ARHGAP42: variants seen among roughly 807,000 people sequenced by gnomAD.
ARHGAP42 encodes Rho GTPase activating protein 42.
Under a neutral mutation model 125.0 loss-of-function variants are expected in ARHGAP42, and 63 were observed. The ratio of observed to expected loss-of-function variants is 0.50; its 90% CI spans 0.41 to 0.62. The LOEUF (loss-of-function observed/expected upper bound fraction) is 0.62, where lower values mean the gene tolerates loss of function less well. Among genes scored for constraint, ARHGAP42 ranks in the 20% least tolerant of loss-of-function variants. ARHGAP42 has a pLI of 0.00. For missense variants in ARHGAP42, 766 were observed against 1,024.2 expected, an observed-to-expected ratio of 0.75 and a Z score of 3.44; for synonymous variants, 339 against 351.0, an observed-to-expected ratio of 0.97 and a Z score of 0.38.
intron 4 of ARHGAP42, among the ~76,000 whole-genome samples, chr11:100,907,920 AG>A (rs1360432851): frequency 1.3e-5 from 2 of 152,218 alleles, no homozygotes; most frequent in Non-Finnish European, 2.9e-5. Context: ...CTTAAGTTGA[AG>A]GATTTCTCAA....
chr11:100,926,280 T>A (rs977397999), intron 6 of ARHGAP42, among the ~76,000 whole-genome samples: 3 of 152,212 alleles, frequency 2.0e-5, no homozygotes, highest in African/African-American at 7.2e-5. Context: ...AGTTGTTAGA[T>A]GAAGAAGCTA....
At chr11:100,954,259 A>G (rs1857743524) in intron 12 of ARHGAP42, among the ~76,000 whole-genome samples, 1 of 152,168 alleles carries the variant, frequency 6.6e-6, no homozygotes, top group African/African-American at 2.4e-5. Context: ...TCTCTCATGC[A>G]GTCAGTTCAA....
At chr11:100,986,463 C>A in intron 22 of ARHGAP42, 1 of 192,332 alleles carries the variant, frequency 5.2e-6, no homozygotes, top group Non-Finnish European at 1.1e-5. Context: ...CACCCGGCAC[C>A]TGACTGCATA....
chr11:100,719,665 T>C (rs188876414), intron 1 of ARHGAP42, among the ~76,000 whole-genome samples: 3 of 151,504 alleles, frequency 2.0e-5, no homozygotes, highest in African/African-American at 4.8e-5. Flanking sequence ...TTTCTTTTAT[T>C]GTGTGTGTGT....
intron 4 of ARHGAP42, among the ~76,000 whole-genome samples, chr11:100,908,508 T>G (rs2135224051): frequency 6.6e-6 from 1 of 152,326 alleles, no homozygotes. Flanking sequence ...TGGCTGTTTC[T>G]GAGTCATTTT....
intron 4 of ARHGAP42, among the ~76,000 whole-genome samples, chr11:100,903,715 T>A (rs372258820): frequency 0.21 from 3,596 of 17,136 alleles, 232 homozygotes; most frequent in African/African-American, 0.3. Flanking sequence ...TCAAAATATA[T>A]ATATATATAT....
intron 4 of ARHGAP42, chr11:100,859,922 A>G (rs11224490): frequency 0.078 from 16,914 of 215,782 alleles, 878 homozygotes; most frequent in East Asian, 0.21. Flanking sequence ...TTCCTAAATA[A>G]AATAAAAATT....
At chr11:100,862,862 C>T (rs569984970) in intron 4 of ARHGAP42, among the ~76,000 whole-genome samples, 80 of 151,814 alleles carry the variant, frequency 5.3e-4, no homozygotes, top group South Asian at 2.1e-3. Context: ...GGAGAAACCG[C>T]ATCCTCTACT....
chr11:100,722,705 C>T (rs551712567), intron 1 of ARHGAP42, among the ~76,000 whole-genome samples: 10 of 152,268 alleles, frequency 6.6e-5, no homozygotes, highest in South Asian at 6.2e-4. Flanking sequence ...GTGTATTTAA[C>T]GTTTACGTCA....
At position 100,921,593 on chromosome 11, in the gene ARHGAP42, T is replaced by G. The variant is rs968111966; in HGVS notation, c.586T>G (p.Phe196Val). The G allele has an allele frequency of 2.0e-6, 3 of 1,535,126 alleles. No individual in the cohort carries two copies. Among genetic ancestry groups the G allele is most frequent in the Non-Finnish European group, 2.6e-6 (3 of 1,136,898 alleles). Residue 196 changes from phenylalanine (F) to valine (V), a missense_variant, in exon 6 of 24, where the codon TTT becomes GTT. Coordinates refer to ENST00000298815, the MANE Select transcript of ARHGAP42 (RefSeq NM_152432.4). ...QEVQEKKKFE[F>V]VEPLLSFLQG... Reference sequence around the variant, plus strand: ...GGTCCAAGAAAAAAAGAAGTTTGAATTTGTTGAACCGGTAAGTTTCAGATT... The same window carrying G: ...GGTCCAAGAAAAAAAGAAGTTTGAAGTTGTTGAACCGGTAAGTTTCAGATT...
chr11:100,687,587 C>T lies in ARHGAP42; in HGVS notation c.-92C>T, dbSNP rs1861105688. On this transcript the variant is annotated 5_prime_UTR_variant, in exon 1 of 24. Transcript: ENST00000298815. ...CGTCCCGGCGCCTTCCCCGCGATCG[C>T]GCGACCCCAGCGCCCGCCGCGGCCG... 9.4e-7 allele frequency: 1 copy of T among 1,063,052 alleles called. No homozygotes were observed. The highest frequency in any genetic ancestry group is 1.2e-6 in the Non-Finnish European group (1 of 852,058). The allele number at this position is 1,063,052 out of a possible 1,614,324, so 65.9% of individuals were successfully genotyped here. A position where few individuals can be genotyped will look rare whatever the true frequency, so the allele number is the denominator to read the frequency against.
intron 3 of ARHGAP42, among the ~76,000 whole-genome samples, chr11:100,802,431 T>C (rs1408465384): frequency 2.0e-5 from 3 of 149,626 alleles, no homozygotes; most frequent in Admixed American, 6.6e-5. Flanking sequence ...TTTCTTTTTT[T>C]TTTTTTTTTT....
chr11:100,819,539 A>G (rs901786912), intron 3 of ARHGAP42, among the ~76,000 whole-genome samples: 1 of 152,184 alleles, frequency 6.6e-6, no homozygotes, highest in Admixed American at 6.5e-5. Context: ...GAGAGGTACC[A>G]TAGTGATTAA....
Position 100,905,818 on chromosome 11 carries a change from G to C in ARHGAP42, c.385-7634G>C, listed in dbSNP as rs1295562345. The stretch of plus-strand genomic sequence containing the variant: ...GTAGCAAAACCCCGTCTCTACTAAA[G>C]ATAACCAAAATTAGCCAGGAATGGT... On this transcript the variant is annotated intron_variant, in intron 4 of 23. Transcript: ENST00000298815. Among the ~76,000 whole-genome samples the C allele has an allele frequency of 1.2e-4, 3 of 25,644 alleles. No individual in the cohort carries two copies. The East Asian group carries it at 0.11, about 916-fold the overall frequency. The allele number at this position is 25,644 out of a possible 152,430, so 16.8% of individuals were successfully genotyped here.
At chr11:100,910,637 A>G (rs1355480665) in intron 4 of ARHGAP42, among the ~76,000 whole-genome samples, 5 of 151,826 alleles carry the variant, frequency 3.3e-5, no homozygotes, top group East Asian at 3.9e-4. Context: ...ATGGGGTTAC[A>G]TTACTAAGTC....
intron 4 of ARHGAP42, among the ~76,000 whole-genome samples, chr11:100,903,748 ATATATATG>A (rs1315892708): frequency 8.3e-5 from 10 of 120,548 alleles, no homozygotes; most frequent in African/African-American, 2.6e-4. Flanking sequence ...ATATATATAT[ATATATATG>A]TATGTAAAGG....
At chr11:100,933,990 T>C (rs1176679660) in intron 7 of ARHGAP42, among the ~76,000 whole-genome samples, 1 of 152,160 alleles carries the variant, frequency 6.6e-6, no homozygotes, top group Non-Finnish European at 1.5e-5. Flanking sequence ...TTTCACCATG[T>C]TGGTCAGGCT....
chr11:100,763,453 A>G (rs1220853923), intron 1 of ARHGAP42, among the ~76,000 whole-genome samples: 1 of 152,148 alleles, frequency 6.6e-6, no homozygotes, highest in East Asian at 1.9e-4. Context: ...TGGCATTAGA[A>G]AGTAGAGGAA....
At chr11:100,770,512 T>C in intron 2 of ARHGAP42, 74 bp downstream of exon 2, 1 of 1,008,614 alleles carries the variant, frequency 9.9e-7, no homozygotes, top group Non-Finnish European at 1.4e-6. Flanking sequence ...CACACCTAAA[T>C]AATAAACATG....
Sources: allele counts gnomAD v4.1 joint callset (sites outside exome capture counted in the v4.1 genomes callset), GRCh38; gene constraint gnomAD v4.1.1; transcripts MANE v1.5; gene names NCBI Gene and HGNC (gene_info 2026-07-23, HGNC 2026-07-21).